The following SFRP1 variants were observed in gnomAD, a reference collection of about 807,000 sequenced individuals.
The protein encoded by SFRP1 is secreted frizzled related protein 1.
SFRP1 carries 9 observed loss-of-function variants against 25.9 expected under a neutral mutation model. That is an observed-to-expected ratio of 0.35 (90% CI 0.21 to 0.61). The LOEUF (loss-of-function observed/expected upper bound fraction) is 0.61, where lower values mean the gene tolerates loss of function less well. SFRP1 is among the 20% of genes least tolerant of loss of function. The pLI is 0.78. For missense variants in SFRP1, 346 were observed against 418.2 expected, an observed-to-expected ratio of 0.83 and a Z score of 1.51; for synonymous variants, 178 against 174.0, an observed-to-expected ratio of 1.02 and a Z score of -0.18.
intron 2 of SFRP1, chr8:41,275,360 A>G (rs911682891): frequency 1.3e-5 from 4 of 318,226 alleles, no homozygotes; most frequent in African/African-American, 2.3e-5. Context: ...AATCACCCAG[A>G]GACAGATACC....
intron 2 of SFRP1, among the ~76,000 whole-genome samples, chr8:41,268,760 A>G (rs1398293097): frequency 3.3e-5 from 5 of 152,226 alleles, no homozygotes; most frequent in African/African-American, 1.2e-4. Context: ...TGCAGACCCC[A>G]CCATGATGCA....
chr8:41,269,131 A>G (rs946787776), intron 2 of SFRP1, among the ~76,000 whole-genome samples: 27 of 152,140 alleles, frequency 1.8e-4, no homozygotes, highest in Admixed American at 1.7e-3. Context: ...TGCTCACTCC[A>G]TGCTTCCCTG....
At chr8:41,298,067 T>C (rs1417461433) in intron 2 of SFRP1, 2 of 152,192 alleles carry the variant, frequency 1.3e-5, no homozygotes, top group Non-Finnish European at 2.9e-5. Flanking sequence ...TTTTGTCTTA[T>C]TTCCTTCAGT....
intron 2 of SFRP1, among the ~76,000 whole-genome samples, chr8:41,293,926 C>CT (rs576425485): frequency 0.069 from 9,599 of 139,270 alleles, 332 homozygotes; most frequent in East Asian, 0.13. Flanking sequence ...TATCTGGCTA[C>CT]TTTTTTTTTT....
Position 41,264,285 on chromosome 8 carries a change from T to G in SFRP1, c.*882A>C, listed in dbSNP as rs533363232. 5.2e-4 allele frequency: 79 copies of G among 152,392 alleles called. No homozygotes were observed. Among genetic ancestry groups the G allele is most frequent in the African/African-American group, 1.7e-3 (72 of 41,594 alleles). 9.4% of individuals were successfully genotyped at this position (152,392 alleles called of 1,614,324 possible). On this transcript the variant is annotated 3_prime_UTR_variant, in exon 3 of 3. Transcript: ENST00000220772. ...ACCCAATTTCACAATTCACCCTGAC[T>G]AGCAATTTGCTGGACTGTTCTAAAA...
At chr8:41,304,732 C>T (rs1198264648) in intron 1 of SFRP1, among the ~76,000 whole-genome samples, 1 of 152,074 alleles carries the variant, frequency 6.6e-6, no homozygotes, top group Non-Finnish European at 1.5e-5. Context: ...AAGAGGGGAC[C>T]TGCAGAGCAC....
At chr8:41,300,910 A>G (rs1040187943) in intron 2 of SFRP1, among the ~76,000 whole-genome samples, 1 of 152,234 alleles carries the variant, frequency 6.6e-6, no homozygotes, top group African/African-American at 2.4e-5. Context: ...CCTGAGCATC[A>G]GCACACAAGC....
At chr8:41,307,368 C>G (rs1265991983) in intron 1 of SFRP1, among the ~76,000 whole-genome samples, 1 of 152,200 alleles carries the variant, frequency 6.6e-6, no homozygotes, top group Non-Finnish European at 1.5e-5. Context: ...TAAGCAAAAG[C>G]ATCTAAAATT....
At position 41,265,119 on chromosome 8, in the gene SFRP1, C is replaced by T. The variant is rs370353880; in HGVS notation, c.*48G>A. ...CGGGTTCCCGGGGCACTGTCCCCCC[C>T]GCTCCCACCCCACCCGAGGCTCCCT... On this transcript the variant is annotated 3_prime_UTR_variant, in exon 3 of 3. Coordinates refer to ENST00000220772, the MANE Select transcript of SFRP1 (RefSeq NM_003012.5). 21 of 465,244 alleles carry T rather than the reference C, an allele frequency of 4.5e-5. No homozygotes were observed. Among genetic ancestry groups the T allele is most frequent in the East Asian group, 2.7e-4 (6 of 21,944 alleles). 28.8% of individuals were successfully genotyped at this position (465,244 alleles called of 1,614,324 possible).
chr8:41,274,780 G>A (rs761362437), intron 2 of SFRP1, among the ~76,000 whole-genome samples: 6 of 152,092 alleles, frequency 3.9e-5, no homozygotes, highest in Non-Finnish European at 7.4e-5. Flanking sequence ...CTATATTTAC[G>A]TTGAATCAAA....
chr8:41,303,563 G>A (rs776531454), intron 1 of SFRP1, 25 bp from the exon 2 acceptor site: 58 of 1,589,794 alleles, frequency 3.6e-5, no homozygotes, highest in Admixed American at 6.7e-5. Flanking sequence ...AGGGAGAAAC[G>A]GAACTGTAAG....
chr8:41,303,532 G>C lies in SFRP1; in HGVS notation c.551C>G (p.Thr184Arg). The change falls in exon 2 of 3, where the codon ACG becomes AGG. Residue 184 changes from threonine (T) to arginine (R), a missense_variant. By Grantham distance (71) the Thr-to-Arg change is moderately conservative (BLOSUM62 -1). Coordinates refer to ENST00000220772, the MANE Select transcript of SFRP1 (RefSeq NM_003012.5). Reference sequence around the variant, plus strand: ...CTCGTTGTCACAGGGAGGACACACCGTTGTGCCTGGGAAAGGAAGTAGGGA... The same window carrying C: ...CTCGTTGTCACAGGGAGGACACACCCTTGTGCCTGGGAAAGGAAGTAGGGA... ...ATEASKPQGT[T>R]VCPPCDNELK... 1 of 1,613,220 alleles carries C rather than the reference G, an allele frequency of 6.2e-7. No homozygotes were observed. The highest frequency in any genetic ancestry group is 8.5e-7 in the Non-Finnish European group (1 of 1,179,226).
chr8:41,291,065 C>A (rs912443954), intron 2 of SFRP1, among the ~76,000 whole-genome samples: 1 of 151,276 alleles, frequency 6.6e-6, no homozygotes, highest in Non-Finnish European at 1.5e-5. Flanking sequence ...CGCCACCAGG[C>A]CCCGCTATTT....
chr8:41,269,143 T>C (rs1803471503), intron 2 of SFRP1, among the ~76,000 whole-genome samples: 1 of 152,188 alleles, frequency 6.6e-6, no homozygotes, highest in African/African-American at 2.4e-5. Context: ...GCTTCCCTGA[T>C]TGGGCACCCT....
chr8:41,309,073 G>C lies in SFRP1; in HGVS notation c.87C>G (p.Gly29=), dbSNP rs779146205. The change falls in exon 1 of 3, where the codon GGC becomes GGG. Residue 29 remains glycine (G), a synonymous_variant. Transcript: ENST00000220772. ...TCACGTAGTCGTACTCGCTGGCCGA[G>C]CCCACGGCCAGAAGCGCCGCGCCCA... ...LALGAALLAV[G]SASEYDYVSF... 2 of 1,598,464 alleles carry C rather than the reference G, an allele frequency of 1.3e-6. No individual in the cohort carries two copies. Among genetic ancestry groups the C allele is most frequent in the South Asian group, 2.2e-5 (2 of 90,644 alleles).
At chr8:41,268,742 GGT>G (rs1803466669) in intron 2 of SFRP1, among the ~76,000 whole-genome samples, 1 of 152,186 alleles carries the variant, frequency 6.6e-6, no homozygotes, top group African/African-American at 2.4e-5. Flanking sequence ...TTTCCTTGTG[GGT>G]GTGTGTGCAG....
chr8:41,280,027 TGGCCTGCTCTGACTCCGGCCCTTGGC>T (rs1182458218), intron 2 of SFRP1, among the ~76,000 whole-genome samples: 2 of 152,242 alleles, frequency 1.3e-5, no homozygotes, highest in Non-Finnish European at 2.9e-5. Flanking sequence ...GGGGCCCTGG[TGGCCTGCTCTGACTCCGGCCCTTGGC>T]GGGCACGAGG....
At chr8:41,298,611 G>A (rs1364605528) in intron 2 of SFRP1, among the ~76,000 whole-genome samples, 1 of 152,002 alleles carries the variant, frequency 6.6e-6, no homozygotes. Flanking sequence ...TCACTATGTT[G>A]CCTGGGGTCT....
At chr8:41,302,019 T>C (rs1803923859) in intron 2 of SFRP1, among the ~76,000 whole-genome samples, 3 of 152,276 alleles carry the variant, frequency 2.0e-5, no homozygotes, top group Admixed American at 2.0e-4. Flanking sequence ...GCAAAGGGTC[T>C]GAATCCTCCA....
Sources: allele counts gnomAD v4.1 joint callset (sites outside exome capture counted in the v4.1 genomes callset), GRCh38; gene constraint gnomAD v4.1.1; transcripts MANE v1.5; gene names NCBI Gene and HGNC (gene_info 2026-07-23, HGNC 2026-07-21).